The following N4BP1 variants were observed in gnomAD, a reference collection of about 807,000 sequenced individuals.
N4BP1 encodes the protein NEDD4 binding protein 1, also known as NEDD4-binding protein 1.
N4BP1 carries 21 observed loss-of-function variants against 70.9 expected under a neutral mutation model. The ratio of observed to expected loss-of-function variants is 0.30; its 90% CI spans 0.21 to 0.43. The LOEUF (loss-of-function observed/expected upper bound fraction) is 0.43, where lower values mean the gene tolerates loss of function less well. Among genes scored for constraint, N4BP1 ranks in the 20% least tolerant of loss-of-function variants. The probability of loss-of-function intolerance (pLI) is 1.00; values close to 1 mark genes in which losing one functional copy is unlikely to be tolerated. For missense variants in N4BP1, 936 were observed against 1,069.4 expected (o/e 0.88, Z 1.74); for synonymous variants, 387 against 394.6 (o/e 0.98, Z 0.23).
At chr16:48,589,414 T>C (rs562803191) in intron 1 of N4BP1, among the ~76,000 whole-genome samples, 76 of 152,230 alleles carry the variant, frequency 5.0e-4, no homozygotes, top group African/African-American at 1.8e-3. Context: ...GTAATGAGGC[T>C]TCCATAAAAA....
chr16:48,570,051 T>C (rs1188968833), intron 1 of N4BP1, among the ~76,000 whole-genome samples: 1 of 151,244 alleles, frequency 6.6e-6, no homozygotes, highest in Non-Finnish European at 1.5e-5. Flanking sequence ...AGACCACAAC[T>C]CCAATTAGAG....
At chr16:48,551,143 C>G (rs1486464900) in intron 4 of N4BP1, among the ~76,000 whole-genome samples, 1 of 152,186 alleles carries the variant, frequency 6.6e-6, no homozygotes, top group East Asian at 1.9e-4. Context: ...ACCAACCAGA[C>G]TACAATATCT....
chr16:48,579,495 C>A (rs1407994120), intron 1 of N4BP1, among the ~76,000 whole-genome samples: 1 of 152,130 alleles, frequency 6.6e-6, no homozygotes, highest in East Asian at 1.9e-4. Flanking sequence ...AGGGTCTAGA[C>A]TGTGAAGCTA....
intron 1 of N4BP1, among the ~76,000 whole-genome samples, chr16:48,601,496 T>C (rs1964498059): frequency 6.6e-6 from 1 of 152,030 alleles, no homozygotes; most frequent in African/African-American, 2.4e-5. Context: ...AAAAAAAGTG[T>C]TGATTCAAGA....
chr16:48,591,632 G>GTTT (rs34007822), intron 1 of N4BP1, among the ~76,000 whole-genome samples: 1 of 136,994 alleles, frequency 7.3e-6, no homozygotes, highest in Non-Finnish European at 1.6e-5. Flanking sequence ...AAAGGCCTTG[G>GTTT]TTTTTTTTTT....
At chr16:48,606,086 G>A (rs1451349030) in intron 1 of N4BP1, among the ~76,000 whole-genome samples, 3 of 152,118 alleles carry the variant, frequency 2.0e-5, no homozygotes, top group Non-Finnish European at 4.4e-5. Flanking sequence ...CGTGATTCTT[G>A]AGGTCAAGGG....
chr16:48,609,017 C>A (rs1872652), intron 1 of N4BP1, among the ~76,000 whole-genome samples: 52,259 of 147,610 alleles, frequency 0.35, 9,616 homozygotes, highest in African/African-American at 0.41. Flanking sequence ...GAGTTCGAGA[C>A]CTGCCCGGGC....
At chr16:48,551,534 A>G (rs1963665878) in intron 3 of N4BP1, 52 bp from the exon 4 acceptor site, 2 of 1,276,628 alleles carry the variant, frequency 1.6e-6, no homozygotes, top group South Asian at 2.6e-5. Flanking sequence ...ATCTTCCCAA[A>G]TGTATCAAGA....
intron 1 of N4BP1, among the ~76,000 whole-genome samples, chr16:48,572,435 G>A (rs1431346540): frequency 6.6e-6 from 1 of 152,036 alleles, no homozygotes; most frequent in African/African-American, 2.4e-5. Flanking sequence ...GGGGAGGGGG[G>A]ACAGGCAGGC....
intron 3 of N4BP1, among the ~76,000 whole-genome samples, chr16:48,552,635 T>C: frequency 7.5e-6 from 1 of 133,458 alleles, no homozygotes; most frequent in Admixed American, 9.1e-5. Flanking sequence ...GAGGCAGAGG[T>C]TGCAGTGAGC....
At chr16:48,573,204 G>A (rs1964046998) in intron 1 of N4BP1, among the ~76,000 whole-genome samples, 1 of 152,052 alleles carries the variant, frequency 6.6e-6, no homozygotes, top group South Asian at 2.1e-4. Flanking sequence ...GCGCTGCACT[G>A]GGTAACTAAA....
intron 6 of N4BP1, among the ~76,000 whole-genome samples, chr16:48,545,076 T>G (rs1210003687): frequency 6.6e-6 from 1 of 151,944 alleles, no homozygotes; most frequent in Non-Finnish European, 1.5e-5. Context: ...GTGATTCTCC[T>G]GCCTCAGCCT....
chr16:48,552,507 G>A (rs1274193201), intron 3 of N4BP1, among the ~76,000 whole-genome samples: 2 of 151,518 alleles, frequency 1.3e-5, no homozygotes, highest in Non-Finnish European at 2.9e-5. Flanking sequence ...AGACCAGCCT[G>A]GTCAATATGA....
rs954800832 is a variant in N4BP1 at position 48,542,586 on chromosome 16, T to C, written c.*318A>G. 2 of 214,156 alleles carry C rather than the reference T, an allele frequency of 9.3e-6. No homozygotes were observed. Among genetic ancestry groups the C allele is most frequent in the Non-Finnish European group, 1.8e-5 (2 of 109,316 alleles). 13.3% of individuals were successfully genotyped at this position (214,156 alleles called of 1,614,324 possible). A position where few individuals can be genotyped will look rare whatever the true frequency, so the allele number is the denominator to read the frequency against. On this transcript the variant is annotated 3_prime_UTR_variant, in exon 7 of 7. Transcript: ENST00000262384. Reference sequence around the variant, plus strand: ...ATATCCATTTGTCAATATTTTCGGCTTTAAGGAAAATAGTTTAAAAAACAT... The same window carrying C: ...ATATCCATTTGTCAATATTTTCGGCCTTAAGGAAAATAGTTTAAAAAACAT...
chr16:48,543,059 G>A lies in N4BP1; in HGVS notation c.2536C>T (p.Pro846Ser). The A allele has an allele frequency of 2.5e-6, 4 of 1,614,016 alleles. No individual in the cohort carries two copies. The highest frequency in any genetic ancestry group is 3.4e-6 in the Non-Finnish European group (4 of 1,179,888). Residue 846 changes from proline to serine, a missense_variant, in exon 7 of 7, where the codon CCA becomes TCA. Pro to Ser is a moderately conservative substitution (Grantham distance 74, BLOSUM62 -1). Around this residue, in one of 4 missense-constraint regions of N4BP1, gnomAD observed 229 missense variants for 343.5 expected, o/e 0.67. Coordinates refer to ENST00000262384, the MANE Select transcript of N4BP1 (RefSeq NM_153029.4). ...LPSLQQNLPM[P>S]AQRSSAETNE... ...GTTTCTGCAGAAGATCTCTGAGCTG[G>A]CATGGGCAGGTTCTGCTGGAGACTG...
chr16:48,609,717 G>A (rs1964648500), intron 1 of N4BP1, 58 bp downstream of exon 1: 2 of 1,231,398 alleles, frequency 1.6e-6, no homozygotes, highest in Non-Finnish European at 2.0e-6. Flanking sequence ...AGGAGCGGGA[G>A]CCCGGAGACC....
chr16:48,596,377 G>A (rs554607668), intron 1 of N4BP1, among the ~76,000 whole-genome samples: 1 of 152,062 alleles, frequency 6.6e-6, no homozygotes, highest in Non-Finnish European at 1.5e-5. Flanking sequence ...TGGAACCTCA[G>A]CCTGGCTTGC....
chr16:48,565,171 A>T (rs765424273), intron 1 of N4BP1, among the ~76,000 whole-genome samples: 18 of 152,188 alleles, frequency 1.2e-4, no homozygotes, highest in Non-Finnish European at 2.6e-4. Flanking sequence ...GCCTTATTGC[A>T]GTGGCTAGAA....
At chr16:48,552,072 A>T (rs1213618956) in intron 3 of N4BP1, among the ~76,000 whole-genome samples, 1 of 152,144 alleles carries the variant, frequency 6.6e-6, no homozygotes, top group Non-Finnish European at 1.5e-5. Flanking sequence ...AGGGATGATA[A>T]GAGACCCTGA....
Sources: allele counts gnomAD v4.1 joint callset (sites outside exome capture counted in the v4.1 genomes callset), GRCh38; gene constraint gnomAD v4.1.1; regional missense constraint gnomAD v4.1.1; transcripts MANE v1.5; gene names NCBI Gene and HGNC (gene_info 2026-07-23, HGNC 2026-07-21).